CHLSN: variants seen among roughly 807,000 people sequenced by gnomAD.
CHLSN encodes protein cholesin.
the CHLSN span, chr7:997,810 CG>C: frequency 6.3e-7 from 1 of 1,599,518 alleles, no homozygotes; most frequent in Non-Finnish European, 8.5e-7. Flanking sequence ...GGAACCTGGA[CG>C]GGAAAGAGAT....
the CHLSN span, among the ~76,000 whole-genome samples, chr7:983,010 C>T: frequency 6.6e-6 from 1 of 152,300 alleles, no homozygotes; most frequent in South Asian, 2.1e-4. Context: ...CCCTCCCCGG[C>T]CCCACCAGGG....
At chr7:1,009,464 A>C in the CHLSN span, among the ~76,000 whole-genome samples, 2 of 151,862 alleles carry the variant, frequency 1.3e-5, no homozygotes, top group Non-Finnish European at 2.9e-5. Flanking sequence ...GCCACGCCGC[A>C]GGCACCATCC....
At chr7:1,062,793 G>A in the CHLSN span, among the ~76,000 whole-genome samples, 1 of 152,130 alleles carries the variant, frequency 6.6e-6, no homozygotes, top group African/African-American at 2.4e-5. Context: ...CGCACGGTCC[G>A]CACTCCGTCA....
chr7:987,846 T>C, the CHLSN span, among the ~76,000 whole-genome samples: 1 of 147,752 alleles, frequency 6.8e-6, no homozygotes, highest in South Asian at 2.2e-4. Context: ...CTCTGTATCC[T>C]GGGGGGGTCC....
the CHLSN span, among the ~76,000 whole-genome samples, chr7:1,088,830 G>A: frequency 6.6e-6 from 1 of 152,132 alleles, no homozygotes; most frequent in East Asian, 1.9e-4. This position sits in a 1 kb window ranked among gnomAD's most constrained non-coding sequence, Gnocchi z 4.5. Context: ...CAGTGAGGAC[G>A]TGGGGCCAGT....
chr7:1,126,891 G>T, the CHLSN span, among the ~76,000 whole-genome samples: 1 of 152,056 alleles, frequency 6.6e-6, no homozygotes, highest in Non-Finnish European at 1.5e-5. Flanking sequence ...AGGCTTTCAG[G>T]ACACGCCTCT....
At chr7:980,889 G>A in the CHLSN span, among the ~76,000 whole-genome samples, 1,008 of 151,686 alleles carry the variant, frequency 6.6e-3, 11 homozygotes, top group African/African-American at 0.022. Flanking sequence ...GGGTTTTGCC[G>A]TGTTAGCCAG....
At chr7:1,070,292 A>G in the CHLSN span, among the ~76,000 whole-genome samples, 2 of 136,570 alleles carry the variant, frequency 1.5e-5, no homozygotes, top group Admixed American at 7.1e-5. Flanking sequence ...CAGCCGCCCC[A>G]TCCGGGAGGG....
chr7:1,110,738 A>T, the CHLSN span, among the ~76,000 whole-genome samples: 1 of 152,202 alleles, frequency 6.6e-6, no homozygotes, highest in Admixed American at 6.5e-5. Flanking sequence ...AACATGAAGG[A>T]TAGATAAAGG....
chr7:996,834 G>A, the CHLSN span, among the ~76,000 whole-genome samples: 1 of 152,210 alleles, frequency 6.6e-6, no homozygotes. Flanking sequence ...CGGCCTGAAC[G>A]CAAGCGATCA....
At chr7:1,058,170 C>A in the CHLSN span, 2 of 739,480 alleles carry the variant, frequency 2.7e-6, no homozygotes, top group Admixed American at 1.9e-5. Flanking sequence ...GGAGGACACG[C>A]CCCTGGACCG....
chr7:987,593 G>A, the CHLSN span: 14 of 1,416,308 alleles, frequency 9.9e-6, no homozygotes, highest in Non-Finnish European at 1.3e-5. Context: ...CGGGGGTCCA[G>A]GGGCACTGGG....
chr7:1,073,376 C>G, the CHLSN span, among the ~76,000 whole-genome samples: 3 of 152,100 alleles, frequency 2.0e-5, no homozygotes, highest in Non-Finnish European at 4.4e-5. Flanking sequence ...AGCTACTCCC[C>G]GCGCAGGCAG....
the CHLSN span, among the ~76,000 whole-genome samples, chr7:1,125,827 T>C: frequency 2.0e-5 from 3 of 152,252 alleles, no homozygotes; most frequent in Non-Finnish European, 4.4e-5. Flanking sequence ...CTTACCACGA[T>C]GTGACGCGCG....
the CHLSN span, chr7:1,045,618 G>A: frequency 2.0e-5 from 3 of 152,200 alleles, no homozygotes; most frequent in Non-Finnish European, 2.9e-5. Flanking sequence ...GAGAGTGAAC[G>A]GAGGCACTGT....
At chr7:999,402 C>G in the CHLSN span, among the ~76,000 whole-genome samples, 5 of 147,902 alleles carry the variant, frequency 3.4e-5, no homozygotes, top group African/African-American at 1.1e-4. Context: ...CCCAGTGTCG[C>G]GATTACCGGA....
the CHLSN span, among the ~76,000 whole-genome samples, chr7:1,006,968 C>T: frequency 2.0e-5 from 3 of 152,206 alleles, no homozygotes. Flanking sequence ...TCACAGGTCA[C>T]AGGCCAAGGT....
the CHLSN span, among the ~76,000 whole-genome samples, chr7:1,119,933 T>C: frequency 1.3e-5 from 2 of 151,548 alleles, no homozygotes; most frequent in South Asian, 4.2e-4. Flanking sequence ...CAAGTGTATC[T>C]TTCTTTTAGA....
chr7:1,023,624 A>AACACACAC, the CHLSN span, among the ~76,000 whole-genome samples: 3,914 of 122,130 alleles, frequency 0.032, 100 homozygotes, highest in East Asian at 0.054. The surrounding 1 kb of genome is among the most constrained non-coding windows in gnomAD (Gnocchi z 5.0). Context: ...CCTCCCAGGA[A>AACACACAC]ACACACACAC....
Sources: gnomAD v4.1 joint callset for allele counts (sites outside exome capture counted in the v4.1 genomes callset) on GRCh38, gnomAD v4.1.1 for gene constraint, Gnocchi (gnomAD v3.1) non-coding constraint, MANE v1.5 for transcripts, NCBI Gene and HGNC (gene_info 2026-07-23, HGNC 2026-07-21) for gene names.